The following TTBK2 variants were observed in gnomAD, a reference collection of about 807,000 sequenced individuals.
TTBK2 encodes the protein tau tubulin kinase 2.
TTBK2 carries 28 observed loss-of-function variants against 110.8 expected under a neutral mutation model. That is an observed-to-expected ratio of 0.25 (90% CI 0.19 to 0.35). The LOEUF (loss-of-function observed/expected upper bound fraction) is 0.35, where lower values mean the gene tolerates loss of function less well. Ranked by LOEUF, TTBK2 falls within the 10% of genes least tolerant of loss-of-function variation. TTBK2 has a pLI of 1.00. For synonymous variants in TTBK2, 532 were observed against 527.3 expected (o/e 1.01, Z -0.12); for missense variants, 1,369 against 1,500.3 (o/e 0.91, Z 1.45).
At chr15:42,755,622 G>A (rs2061935764) in intron 13 of TTBK2, among the ~76,000 whole-genome samples, 1 of 152,172 alleles carries the variant, frequency 6.6e-6, no homozygotes, top group Non-Finnish European at 1.5e-5. Context: ...CTTAGAATAA[G>A]CACAAATCTA....
chr15:42,911,021 G>C (rs1475541355), intron 1 of TTBK2, among the ~76,000 whole-genome samples: 3 of 149,922 alleles, frequency 2.0e-5, no homozygotes, highest in Admixed American at 6.6e-5. Flanking sequence ...TCCAGCCTCG[G>C]TGACAAGAGT....
Position 42,895,359 on chromosome 15 carries a change from A to T in TTBK2, c.-67-16675T>A, listed in dbSNP as rs1402913929. ...CAGTCCATTGAGGGTACAGGGTAGG[A>T]AGTGGGTCAGGATCAACAAACTACC... On this transcript the variant is annotated intron_variant, in intron 1 of 14. Transcript: ENST00000267890. Among the ~76,000 whole-genome samples, 4 of 152,122 alleles carry T rather than the reference A, an allele frequency of 2.6e-5. No homozygotes were observed. In the East Asian group the frequency reaches 7.7e-4, roughly 29 times the overall value.
intron 3 of TTBK2, among the ~76,000 whole-genome samples, chr15:42,861,559 C>A (rs767186610): frequency 5.3e-5 from 8 of 151,996 alleles, no homozygotes; most frequent in Non-Finnish European, 8.8e-5. Context: ...AATAGAGACA[C>A]AACTTACCAA....
In TTBK2 at chr15:42,739,439, C is replaced by T. The variant is rs979211865; in HGVS notation, c.*6356G>A. ...TCTAATTCAAAACTAGATGCTCCCC[C>T]CTCCCTCTTTTTTCCCTAAAAGCTG... On this transcript the variant is annotated 3_prime_UTR_variant, in exon 15 of 15. Coordinates refer to ENST00000267890, the MANE Select transcript of TTBK2 (RefSeq NM_173500.4). 1 of 152,198 alleles carries T rather than the reference C, an allele frequency of 6.6e-6. No individual in the cohort carries two copies. The highest frequency in any genetic ancestry group is 1.5e-5 in the Non-Finnish European group (1 of 68,030). 9.4% of individuals were successfully genotyped at this position (152,198 alleles called of 1,614,324 possible).
intron 12 of TTBK2, among the ~76,000 whole-genome samples, chr15:42,776,345 C>G (rs1567017343): frequency 6.6e-6 from 1 of 152,192 alleles, no homozygotes; most frequent in Non-Finnish European, 1.5e-5. Flanking sequence ...GCGAATACTA[C>G]TGAAGTTTCT....
Position 42,811,738 on chromosome 15 carries a change from A to T in TTBK2, c.646T>A (p.Leu216Met), listed in dbSNP as rs746580614. The T allele has an allele frequency of 6.2e-7, 1 of 1,613,602 alleles. No individual in the cohort carries two copies. The highest frequency in any genetic ancestry group is 1.7e-5 in the Admixed American group (1 of 59,986). Residue 216 changes from leucine (L) to methionine (M), a missense_variant, in exon 8 of 15, where the codon TTG becomes ATG. Transcript: ENST00000267890. ...AGCTGACCAACCACAAACTCCACCA[A>T]CATGTAGAATAAGGACCAAAGGTCA... ...HDDLWSLFYM[L>M]VEFVVGQLPW...
At chr15:42,874,804 C>T (rs1451656272) in intron 2 of TTBK2, among the ~76,000 whole-genome samples, 1 of 150,698 alleles carries the variant, frequency 6.6e-6, no homozygotes, top group Non-Finnish European at 1.5e-5. Context: ...TGACCAACAT[C>T]GTGAAAGCCC....
intron 10 of TTBK2, among the ~76,000 whole-genome samples, chr15:42,793,799 T>C (rs1236313451): frequency 6.6e-6 from 1 of 151,210 alleles, no homozygotes; most frequent in Non-Finnish European, 1.5e-5. Context: ...ATTGTGCCAC[T>C]GCACTCCAGC....
chr15:42,755,105 C>G (rs893391696), intron 13 of TTBK2, among the ~76,000 whole-genome samples: 1 of 150,458 alleles, frequency 6.6e-6, no homozygotes, highest in Non-Finnish European at 1.5e-5. Flanking sequence ...GAATAAGATT[C>G]AATATCTAAT....
chr15:42,801,142 A>C (rs1891176861), intron 9 of TTBK2: 2 of 1,121,514 alleles, frequency 1.8e-6, no homozygotes, highest in South Asian at 1.2e-5. Flanking sequence ...CCATAGGCCA[A>C]GCTCTGACCA....
At position 42,817,086 on chromosome 15, in the gene TTBK2, C is replaced by G. The variant is rs1489942012; in HGVS notation, c.549G>C (p.Val183=). The change falls in exon 7 of 15, where the codon GTG becomes GTC. Residue 183 remains valine (V), a synonymous_variant. Coordinates refer to ENST00000267890, the MANE Select transcript of TTBK2 (RefSeq NM_173500.4). ...SCGDVRPPRA[V]AGFRGTVRYA... ...AACGAACTGTCCCTCGAAAACCTGC[C>G]ACAGCTCGAGGCTACAACGAAGCCA... The G allele has an allele frequency of 1.7e-5, 27 of 1,607,886 alleles. No homozygotes were observed. Among genetic ancestry groups the G allele is most frequent in the Non-Finnish European group, 2.3e-5 (27 of 1,176,458 alleles).
intron 1 of TTBK2, among the ~76,000 whole-genome samples, chr15:42,894,853 G>A (rs534379603): frequency 1.3e-5 from 2 of 152,204 alleles, no homozygotes; most frequent in African/African-American, 2.4e-5. Flanking sequence ...TACATAAAAC[G>A]AATAATACAC....
intron 1 of TTBK2, among the ~76,000 whole-genome samples, chr15:42,908,799 A>G (rs938784649): frequency 1.3e-5 from 2 of 152,146 alleles, no homozygotes; most frequent in Non-Finnish European, 2.9e-5. Context: ...TTCCCCATGT[A>G]CACCAGCAAA....
chr15:42,766,446 C>CAAAAAAAAAAAAAAAAAAAAAAAAA (rs567972612), intron 13 of TTBK2, among the ~76,000 whole-genome samples: 5 of 30,858 alleles, frequency 1.6e-4, no homozygotes, highest in Non-Finnish European at 2.6e-4. Flanking sequence ...GAATGGAAAG[C>CAAAAAAAAAAAAAAAAAAAAAAAAA]AAAAAAAAAA....
intron 5 of TTBK2, 131 bp downstream of exon 5, chr15:42,829,807 A>G (rs1329234781): frequency 3.9e-6 from 5 of 1,292,500 alleles, no homozygotes; most frequent in Non-Finnish European, 4.4e-6. Flanking sequence ...CCAGGTCTCT[A>G]TTGGAATGAA....
intron 3 of TTBK2, among the ~76,000 whole-genome samples, chr15:42,872,116 C>T (rs948908777): frequency 4.6e-5 from 7 of 152,120 alleles, no homozygotes; most frequent in African/African-American, 1.7e-4. Flanking sequence ...AAAATGACGA[C>T]AGGGCCAGAA....
intron 13 of TTBK2, among the ~76,000 whole-genome samples, chr15:42,757,048 T>C (rs2061956672): frequency 6.6e-6 from 1 of 152,146 alleles, no homozygotes; most frequent in African/African-American, 2.4e-5. Flanking sequence ...CAGATCATTT[T>C]TACAAACCCC....
In TTBK2 at chr15:42,752,470, C is replaced by T. The variant is rs776231019; in HGVS notation, c.2776G>A (p.Gly926Ser). Reference sequence around the variant, plus strand: ...ACCATATCCTTCCGGGTTGGGGCACCATGTTCATTCTCTGAAACACAATGA... The same window carrying T: ...ACCATATCCTTCCGGGTTGGGGCACTATGTTCATTCTCTGAAACACAATGA... ...LFHCVSENEH[G>S]APTRKDMVRS... is the part of the protein sequence containing the mutation. Residue 926 changes from glycine to serine, a missense_variant, in exon 14 of 15, where the codon GGT (glycine) becomes AGT (serine). By Grantham distance (56) the Gly-to-Ser change is moderately conservative. Around this residue, in one of 4 missense-constraint regions of TTBK2, gnomAD observed 1,097 missense variants for 1,114.7 expected, o/e 0.98. Transcript: ENST00000267890. 7 of 1,614,186 alleles carry T rather than the reference C, an allele frequency of 4.3e-6. No homozygotes were observed. Among genetic ancestry groups the T allele is most frequent in the East Asian group, 2.2e-5 (1 of 44,880 alleles).
At chr15:42,858,982 AT>A (rs1182354657) in intron 3 of TTBK2, among the ~76,000 whole-genome samples, 2 of 152,220 alleles carry the variant, frequency 1.3e-5, no homozygotes, top group Non-Finnish European at 2.9e-5. Context: ...AAAAGGAACC[AT>A]TTTTAAATAT....
Sources: gnomAD v4.1 joint callset for allele counts (sites outside exome capture counted in the v4.1 genomes callset) on GRCh38, gnomAD v4.1.1 for gene constraint, gnomAD v4.1.1 regional missense constraint, MANE v1.5 for transcripts, NCBI Gene and HGNC (gene_info 2026-07-23, HGNC 2026-07-21) for gene names.